Variants in PDZRN4 observed in about 807,000 individuals in gnomAD.
PDZRN4 encodes PDZ domain-containing RING finger protein 4.
Under a neutral mutation model 99.0 loss-of-function variants are expected in PDZRN4, and 70 were observed. The observed-to-expected ratio is 0.71, with a 90% confidence interval of 0.58 to 0.86. PDZRN4 has a LOEUF of 0.86. PDZRN4 is among the 40% of genes least tolerant of loss of function. The pLI is 0.00. For missense variants in PDZRN4, 1,474 were observed against 1,331.2 expected, an observed-to-expected ratio of 1.11 and a Z score of -1.67; for synonymous variants, 551 against 501.6, an observed-to-expected ratio of 1.10 and a Z score of -1.32.
At chr12:41,304,150 C>T (rs1451854470) in intron 3 of PDZRN4, among the ~76,000 whole-genome samples, 2 of 152,168 alleles carry the variant, frequency 1.3e-5, no homozygotes, top group Non-Finnish European at 2.9e-5. Context: ...GGCATATAGT[C>T]TCAAAGCATG....
At chr12:41,217,933 A>C (rs138281823) in intron 3 of PDZRN4, among the ~76,000 whole-genome samples, 1 of 152,106 alleles carries the variant, frequency 6.6e-6, no homozygotes, top group Non-Finnish European at 1.5e-5. Context: ...CCCACAGAGC[A>C]CTGCCTTCCC....
At chr12:41,250,279 G>GT (rs1420708636) in intron 3 of PDZRN4, among the ~76,000 whole-genome samples, 1 of 152,142 alleles carries the variant, frequency 6.6e-6, no homozygotes, top group Non-Finnish European at 1.5e-5. Context: ...AAAAACAGTT[G>GT]TTATGAGTAC....
intron 3 of PDZRN4, among the ~76,000 whole-genome samples, chr12:41,418,118 C>T (rs1170302486): frequency 6.6e-6 from 1 of 152,128 alleles, no homozygotes; most frequent in Non-Finnish European, 1.5e-5. Flanking sequence ...CTTCTATGAG[C>T]ATCTTTCTGC....
chr12:41,324,632 T>C (rs1445314244), intron 3 of PDZRN4, among the ~76,000 whole-genome samples: 1 of 152,090 alleles, frequency 6.6e-6, no homozygotes, highest in African/African-American at 2.4e-5. Flanking sequence ...TGTATTTCTA[T>C]AAATCCAGAT....
chr12:41,451,760 C>T (rs1281656245), intron 3 of PDZRN4, among the ~76,000 whole-genome samples: 3 of 152,148 alleles, frequency 2.0e-5, no homozygotes, highest in Non-Finnish European at 4.4e-5. Flanking sequence ...ACCAGGTCCC[C>T]TCTGGTGTCC....
intron 3 of PDZRN4, among the ~76,000 whole-genome samples, chr12:41,456,468 C>A (rs1952817624): frequency 6.6e-6 from 1 of 152,048 alleles, no homozygotes; most frequent in South Asian, 2.1e-4. Flanking sequence ...AAGGAGAAAA[C>A]CAGCTGAATT....
At chr12:41,500,369 G>T (rs1938088851) in intron 3 of PDZRN4, among the ~76,000 whole-genome samples, 1 of 151,822 alleles carries the variant, frequency 6.6e-6, no homozygotes, top group African/African-American at 2.4e-5. Context: ...AGAAGCCCCA[G>T]GATCACTTTA....
At chr12:41,422,491 T>G (rs940625431) in intron 3 of PDZRN4, among the ~76,000 whole-genome samples, 1 of 152,282 alleles carries the variant, frequency 6.6e-6, no homozygotes, top group African/African-American at 2.4e-5. Context: ...GAACAAGGTT[T>G]AATTGACTCA....
At chr12:41,401,634 A>G (rs745996604) in intron 3 of PDZRN4, among the ~76,000 whole-genome samples, 1 of 152,056 alleles carries the variant, frequency 6.6e-6, no homozygotes, top group Non-Finnish European at 1.5e-5. Context: ...TTTTGTGCAA[A>G]TGCTTCCATA....
chr12:41,390,501 C>G (rs1952202639), intron 3 of PDZRN4, among the ~76,000 whole-genome samples: 1 of 143,134 alleles, frequency 7.0e-6, no homozygotes, highest in Non-Finnish European at 1.5e-5. Context: ...GAATTTTGCC[C>G]CATACTCTCT....
intron 1 of PDZRN4, among the ~76,000 whole-genome samples, chr12:41,190,299 C>T (rs551229839): frequency 5.3e-5 from 8 of 152,272 alleles, no homozygotes; most frequent in South Asian, 2.1e-4. Context: ...ATTAAACGAC[C>T]GGTTTCAAGG....
At chr12:41,197,920 G>T (rs2405774) in intron 3 of PDZRN4, among the ~76,000 whole-genome samples, 56,385 of 111,262 alleles carry the variant, frequency 0.51, 12,279 homozygotes, top group South Asian at 0.56. Flanking sequence ...TTTTTTCTGG[G>T]TTTTTTTTTT....
intron 3 of PDZRN4, among the ~76,000 whole-genome samples, chr12:41,414,756 A>G (rs1286522551): frequency 6.6e-6 from 1 of 152,208 alleles, no homozygotes; most frequent in Non-Finnish European, 1.5e-5. Flanking sequence ...TGATGGAAAA[A>G]TATAAAATGC....
intron 3 of PDZRN4, among the ~76,000 whole-genome samples, chr12:41,307,001 G>A (rs570695658): frequency 6.6e-6 from 1 of 152,074 alleles, no homozygotes; most frequent in Non-Finnish European, 1.5e-5. Context: ...TTTCCTTTCT[G>A]AGTCCTCATC....
At chr12:41,352,501 A>C (rs11830153) in intron 3 of PDZRN4, among the ~76,000 whole-genome samples, 5 of 152,076 alleles carry the variant, frequency 3.3e-5, no homozygotes, top group African/African-American at 1.2e-4. Flanking sequence ...TATTGTTGTC[A>C]ATTCTTTCAC....
At chr12:41,321,728 T>G (rs988033834) in intron 3 of PDZRN4, among the ~76,000 whole-genome samples, 2 of 152,156 alleles carry the variant, frequency 1.3e-5, no homozygotes, top group African/African-American at 2.4e-5. Context: ...TCATATTGCC[T>G]TAGGAAACAA....
At chr12:41,556,147 A>C (rs953584333) in intron 7 of PDZRN4, among the ~76,000 whole-genome samples, 3 of 152,368 alleles carry the variant, frequency 2.0e-5, no homozygotes, top group African/African-American at 7.2e-5. Context: ...AACACAGTGC[A>C]TAAGTAGTTA....
intron 3 of PDZRN4, among the ~76,000 whole-genome samples, chr12:41,293,579 C>T (rs1951471092): frequency 6.6e-6 from 1 of 151,956 alleles, no homozygotes; most frequent in Non-Finnish European, 1.5e-5. Context: ...CCTCCTGTTT[C>T]GAAAAAGCAA....
chr12:41,312,294 G>C (rs1224073841), intron 3 of PDZRN4, among the ~76,000 whole-genome samples: 1 of 150,682 alleles, frequency 6.6e-6, no homozygotes, highest in African/African-American at 2.4e-5. Flanking sequence ...TACACATTTT[G>C]AGTTTCTCTA....
Sources: gnomAD v4.1 joint callset for allele counts (sites outside exome capture counted in the v4.1 genomes callset) on GRCh38, gnomAD v4.1.1 for gene constraint, MANE v1.5 for transcripts, NCBI Gene and HGNC (gene_info 2026-07-23, HGNC 2026-07-21) for gene names.